The following FLT3 variants were observed in gnomAD, a reference collection of about 807,000 sequenced individuals.
FLT3 encodes the protein receptor-type tyrosine-protein kinase FLT3.
FLT3 carries 46 observed loss-of-function variants against 126.6 expected under a neutral mutation model. The ratio of observed to expected loss-of-function variants is 0.36; its 90% CI spans 0.29 to 0.46. The LOEUF (loss-of-function observed/expected upper bound fraction) is 0.46. Ranked by LOEUF, FLT3 falls within the 20% of genes least tolerant of loss-of-function variation. FLT3 has a pLI of 1.00. For missense variants in FLT3, 1,069 were observed against 1,190.3 expected (o/e 0.90, Z 1.50); for synonymous variants, 404 against 434.4 (o/e 0.93, Z 0.87).
rs560644897 is a variant in FLT3 at position 28,091,224 on chromosome 13, T to C, written c.43+9244A>G. 4.4e-3 allele frequency among the ~76,000 whole-genome samples: 510 copies of C among 115,992 alleles called. 3 individuals carry two copies. Among genetic ancestry groups the C allele is most frequent in the Admixed American group, 0.013 (151 of 11,658 alleles). The allele number at this position is 115,992 out of a possible 152,430, so 76.1% of individuals were successfully genotyped here. A position where few individuals can be genotyped will look rare whatever the true frequency, so the allele number is the denominator to read the frequency against. The stretch of plus-strand genomic sequence containing the variant: ...CCCATTTTCTTTTTTTTTTTTTTTT[T>C]TTTTTTTTTTTTTTTGAGACGGAGT... On this transcript the variant is annotated intron_variant, in intron 1 of 23. Coordinates refer to ENST00000241453, the MANE Select transcript of FLT3 (RefSeq NM_004119.3).
Position 28,078,371 on chromosome 13 carries a change from G to A in FLT3, c.44-7759C>T, listed in dbSNP as rs534206551. ...CTCAATTCTTGACTTCTGTGCACCCGCATGCTGAACACCACGTGGAAGCTG... is the reference window on the plus strand; with the variant it reads ...CTCAATTCTTGACTTCTGTGCACCCACATGCTGAACACCACGTGGAAGCTG... On this transcript the variant is annotated intron_variant, in intron 1 of 23. Coordinates refer to ENST00000241453, the MANE Select transcript of FLT3 (RefSeq NM_004119.3). 8.5e-5 allele frequency among the ~76,000 whole-genome samples: 13 copies of A among 152,292 alleles called. No individual in the cohort carries two copies. In the East Asian group the frequency reaches 1.5e-3, roughly 18 times the overall value.
At chr13:28,083,993 A>C (rs1056730099) in intron 1 of FLT3, among the ~76,000 whole-genome samples, 2 of 151,630 alleles carry the variant, frequency 1.3e-5, no homozygotes, top group African/African-American at 2.4e-5. Context: ...CCTGATGATT[A>C]TTACTGTGTT....
intron 12 of FLT3, 62 bp from the exon 13 acceptor site, chr13:28,034,469 G>T: frequency 1.7e-6 from 2 of 1,175,770 alleles, no homozygotes; most frequent in Non-Finnish European, 2.5e-6. Context: ...TATAAATAGT[G>T]GACAACTCAT....
At chr13:28,056,900 A>G (rs910671424) in intron 4 of FLT3, among the ~76,000 whole-genome samples, 3 of 152,344 alleles carry the variant, frequency 2.0e-5, no homozygotes, top group East Asian at 1.9e-4. Flanking sequence ...AGAAAGTTCT[A>G]TTGGATCACG....
At chr13:28,061,077 C>T (rs576371893) in intron 3 of FLT3, among the ~76,000 whole-genome samples, 114 of 151,584 alleles carry the variant, frequency 7.5e-4, no homozygotes, top group African/African-American at 2.6e-3. Context: ...TAGTTTGGGC[C>T]GGGCACGGTG....
chr13:28,091,273 G>C (rs930425777), intron 1 of FLT3, among the ~76,000 whole-genome samples: 14 of 123,836 alleles, frequency 1.1e-4, no homozygotes, highest in Middle Eastern at 5.0e-3. Flanking sequence ...CCAGGCTGGA[G>C]TGCAGTGGCG....
chr13:28,037,191 T>C lies in FLT3; in HGVS notation c.1303A>G (p.Ile435Val). ...TCTCGGCAATTTAACTTACTTCTTA[T>C]ATTCAGCGTGAACATTTTGGTAAAT... ...AQFTKMFTLN[I>V]RRKPQVLAEA... Residue 435 changes from isoleucine to valine, a missense_variant, in exon 10 of 24, where the codon ATA (isoleucine) becomes GTA (valine). Physicochemically the swap from Ile to Val is conservative, Grantham distance 29. Transcript: ENST00000241453. 3 of 1,544,008 alleles carry C rather than the reference T, an allele frequency of 1.9e-6. No homozygotes were observed. The highest frequency in any genetic ancestry group is 2.7e-6 in the Non-Finnish European group (3 of 1,116,814).
intron 19 of FLT3, 123 bp from the exon 20 acceptor site, chr13:28,018,712 G>T: frequency 4.0e-6 from 4 of 1,002,858 alleles, no homozygotes; most frequent in Non-Finnish European, 6.0e-6. Context: ...TCTTTACTGG[G>T]CTGTGCCGTG....
At chr13:28,052,744 G>C (rs1875638565) in intron 4 of FLT3, 70 bp from the exon 5 acceptor site, 2 of 1,104,596 alleles carry the variant, frequency 1.8e-6, no homozygotes, top group Non-Finnish European at 2.6e-6. Context: ...CTCAGAAAAG[G>C]ATTCTATGTC....
At chr13:28,077,551 C>T (rs1394985779) in intron 1 of FLT3, among the ~76,000 whole-genome samples, 1 of 152,156 alleles carries the variant, frequency 6.6e-6, no homozygotes, top group Non-Finnish European at 1.5e-5. Context: ...CTGGGTCCTT[C>T]CCACAACACG....
chr13:28,052,005 C>T (rs1875533835), intron 5 of FLT3, among the ~76,000 whole-genome samples: 1 of 151,844 alleles, frequency 6.6e-6, no homozygotes, highest in Admixed American at 6.6e-5. Flanking sequence ...TGAGGGGTTC[C>T]AAAAAGCCCC....
chr13:28,058,039 C>CA lies in FLT3; in HGVS notation c.369-578dup, dbSNP rs1039362902. The stretch of plus-strand genomic sequence containing the variant: ...GGGTGACAAGAGTGAAACTCCGTCT[C>CA]AAAAAAAAACTGAAAAAACAACAAC... On this transcript the variant is annotated intron_variant, in intron 3 of 23. Coordinates refer to ENST00000241453, the MANE Select transcript of FLT3 (RefSeq NM_004119.3). 3.6e-4 allele frequency among the ~76,000 whole-genome samples: 54 copies of CA among 148,042 alleles called. No individual in the cohort carries two copies. The South Asian group carries it at 6.5e-3, about 18-fold the overall frequency.
At chr13:28,088,695 C>T (rs1878842565) in intron 1 of FLT3, among the ~76,000 whole-genome samples, 1 of 151,296 alleles carries the variant, frequency 6.6e-6, no homozygotes, top group African/African-American at 2.4e-5. Flanking sequence ...AGCGATTCTC[C>T]TGCCTCAGCC....
intron 1 of FLT3, among the ~76,000 whole-genome samples, chr13:28,075,121 T>C (rs1225848210): frequency 2.0e-5 from 3 of 152,200 alleles, no homozygotes; most frequent in Non-Finnish European, 4.4e-5. Flanking sequence ...GACAAAAATA[T>C]ATACTCACGG....
intron 1 of FLT3, among the ~76,000 whole-genome samples, chr13:28,072,803 A>G (rs145103900): frequency 0.18 from 26,831 of 151,730 alleles, 2,441 homozygotes; most frequent in Middle Eastern, 0.26. Flanking sequence ...GGAGCTCGAG[A>G]CCATCCTGGC....
intron 3 of FLT3, among the ~76,000 whole-genome samples, chr13:28,060,014 T>C (rs1467889239): frequency 6.6e-6 from 1 of 151,128 alleles, no homozygotes; most frequent in Non-Finnish European, 1.5e-5. Flanking sequence ...AAAAAAGAAA[T>C]TTCTTGCTAC....
Position 28,004,137 on chromosome 13 carries a change from G to C in FLT3, c.2897C>G (p.Pro966Arg), listed in dbSNP as rs1430165474. Residue 966 changes from proline (P) to arginine (R), a missense_variant, in exon 24 of 24, where the codon CCT (proline) becomes CGT (arginine). By Grantham distance (103) the Pro-to-Arg change is moderately radical (BLOSUM62 -2). Coordinates refer to ENST00000241453, the MANE Select transcript of FLT3 (RefSeq NM_004119.3). ...QNVDGRVSEC[P>R]HTYQNRRPFS... ...AGGTCGCCTGTTTTGGTAGGTGTGAGGACATTCCGAAACACGGCCATCCAC... is the reference window on the plus strand; with the variant it reads ...AGGTCGCCTGTTTTGGTAGGTGTGACGACATTCCGAAACACGGCCATCCAC... 3 of 1,613,868 alleles carry C rather than the reference G, an allele frequency of 1.9e-6. No homozygotes were observed. The highest frequency in any genetic ancestry group is 1.1e-5 in the South Asian group (1 of 91,070).
At chr13:28,084,592 G>C (rs891464621) in intron 1 of FLT3, among the ~76,000 whole-genome samples, 1 of 151,968 alleles carries the variant, frequency 6.6e-6, no homozygotes, top group African/African-American at 2.4e-5. Flanking sequence ...TCTAATTTTT[G>C]TAGAGATGGG....
Position 28,086,630 on chromosome 13 carries a change from G to A in FLT3, c.43+13838C>T, listed in dbSNP as rs9581985. Among the ~76,000 whole-genome samples, 842 of 113,270 alleles carry A rather than the reference G, an allele frequency of 7.4e-3. 6 individuals are homozygous for A. The highest frequency in any genetic ancestry group is 0.018 in the African/African-American group (612 of 34,942). 74.3% of individuals were successfully genotyped at this position (113,270 alleles called of 152,430 possible). A position where few individuals can be genotyped will look rare whatever the true frequency, so the allele number is the denominator to read the frequency against. On this transcript the variant is annotated intron_variant, in intron 1 of 23. Transcript: ENST00000241453. Reference sequence around the variant, plus strand: ...CTGTCTGAAGAACTCGTGTGTGTGTGTGTGTGTGTGTGTGTGTGTGTGTGT... The same window carrying A: ...CTGTCTGAAGAACTCGTGTGTGTGTATGTGTGTGTGTGTGTGTGTGTGTGT...
Sources: gnomAD v4.1 joint callset for allele counts (sites outside exome capture counted in the v4.1 genomes callset) on GRCh38, gnomAD v4.1.1 for gene constraint, MANE v1.5 for transcripts, NCBI Gene and HGNC (gene_info 2026-07-23, HGNC 2026-07-21) for gene names.